The following TNNT2 variants were observed in gnomAD, a reference collection of about 807,000 sequenced individuals.
TNNT2 encodes the protein troponin T, cardiac muscle.
A neutral mutation model predicts 62.4 loss-of-function variants in TNNT2; 34 were observed. The observed-to-expected ratio is 0.54, with a 90% CI of 0.41 to 0.72. The LOEUF is 0.72. Ranked by LOEUF, TNNT2 falls within the 30% of genes least tolerant of loss-of-function variation. The pLI, the probability that TNNT2 is intolerant of heterozygous loss-of-function variation, is 0.00. For missense variants in TNNT2, 275 were observed against 381.9 expected, an observed-to-expected ratio of 0.72 and a Z score of 2.33; for synonymous variants, 123 against 127.2, an observed-to-expected ratio of 0.97 and a Z score of 0.22.
At chr1:201,371,486 T>G (rs1396138124) in intron 4 of TNNT2, among the ~76,000 whole-genome samples, 1 of 152,262 alleles carries the variant, frequency 6.6e-6, no homozygotes, top group East Asian at 1.9e-4. Flanking sequence ...TGGAATCTTT[T>G]GGGGCATATC....
At chr1:201,361,415 C>T (rs767640147) in intron 14 of TNNT2, 46 bp from the exon 15 acceptor site, 1 of 1,521,938 alleles carries the variant, frequency 6.6e-7, no homozygotes, top group South Asian at 1.1e-5. Flanking sequence ...AAGAAAGGGC[C>T]CTCCTGGGCC....
intron 12 of TNNT2, among the ~76,000 whole-genome samples, chr1:201,362,882 G>T (rs1357221416): frequency 2.0e-5 from 3 of 152,146 alleles, no homozygotes; most frequent in African/African-American, 7.2e-5. Flanking sequence ...ATCAAGGCAG[G>T]CAATATGAGT....
intron 6 of TNNT2, 34 bp downstream of exon 6, chr1:201,368,128 C>G (rs982080257): frequency 3.1e-6 from 5 of 1,611,112 alleles, no homozygotes; most frequent in Admixed American, 1.7e-5. Context: ...CTCGCCACCC[C>G]CTGAGGCCCC....
intron 1 of TNNT2, among the ~76,000 whole-genome samples, chr1:201,377,153 C>T (rs1002735642): frequency 1.3e-5 from 2 of 152,186 alleles, no homozygotes; most frequent in Non-Finnish European, 2.9e-5. Context: ...GCTGCAGTCT[C>T]GCTCTGCTCC....
At chr1:201,366,068 C>T (rs3767545) in intron 8 of TNNT2, 113,230 of 1,149,170 alleles carry the variant, frequency 0.099, 5,892 homozygotes, top group Non-Finnish European at 0.1. Context: ...GGCCATGAAC[C>T]TGGGAGTCTT....
chr1:201,362,346 A>G, intron 13 of TNNT2, 40 bp downstream of exon 13: 3 of 1,612,536 alleles, frequency 1.9e-6, no homozygotes, highest in Non-Finnish European at 2.5e-6. Flanking sequence ...GCTCTCCAAA[A>G]CTATGGGGAG....
intron 4 of TNNT2, among the ~76,000 whole-genome samples, 187 bp downstream of exon 4, chr1:201,371,840 C>T (rs1216238901): frequency 6.6e-6 from 1 of 152,170 alleles, no homozygotes. Flanking sequence ...AGGTTTAAAT[C>T]GTTTGCCTCA....
intron 15 of TNNT2, among the ~76,000 whole-genome samples, chr1:201,359,899 G>C (rs1658294765): frequency 6.6e-6 from 1 of 152,182 alleles, no homozygotes. Flanking sequence ...TGGGGTCCCA[G>C]GGCCATAATA....
At chr1:201,376,242 G>A (rs1661382866) in intron 1 of TNNT2, among the ~76,000 whole-genome samples, 2 of 152,154 alleles carry the variant, frequency 1.3e-5, no homozygotes, top group Non-Finnish European at 2.9e-5. Context: ...ACAATAGAAG[G>A]CATAAGGCAT....
At chr1:201,367,370 G>T (rs1411531637) in intron 7 of TNNT2, 2 of 392,488 alleles carry the variant, frequency 5.1e-6, no homozygotes, top group Non-Finnish European at 9.5e-6. Flanking sequence ...CCTGGTGAAG[G>T]CTGCAGCATG....
intron 9 of TNNT2, 23 bp downstream of exon 9, chr1:201,365,587 C>T: frequency 1.2e-6 from 2 of 1,612,772 alleles, no homozygotes; most frequent in Non-Finnish European, 8.5e-7. Flanking sequence ...CCCAGGCCTA[C>T]TCAACCCACA....
intron 6 of TNNT2, 92 bp downstream of exon 6, chr1:201,368,070 G>A (rs1659988994): frequency 1.5e-6 from 2 of 1,323,818 alleles, no homozygotes; most frequent in Non-Finnish European, 2.2e-6. Flanking sequence ...ACATGGGAAA[G>A]CCTGTTCTGG....
At chr1:201,371,978 A>G in intron 4 of TNNT2, 49 bp downstream of exon 4, 1 of 1,613,412 alleles carries the variant, frequency 6.2e-7, no homozygotes, top group Non-Finnish European at 8.5e-7. Flanking sequence ...GGATTTCCAC[A>G]TTGCTGAGCC....
At chr1:201,372,255 AT>A (rs1660743021) in intron 2 of TNNT2, 100 bp from the exon 3 acceptor site, 4 of 1,560,734 alleles carry the variant, frequency 2.6e-6, no homozygotes, top group Non-Finnish European at 3.5e-6. Flanking sequence ...CCCAAAGATA[AT>A]CCCCCTTTCT....
At chr1:201,365,548 T>A in intron 9 of TNNT2, 62 bp downstream of exon 9, 2 of 1,566,560 alleles carry the variant, frequency 1.3e-6, no homozygotes, top group Non-Finnish European at 1.8e-6. Context: ...AAAATCTCTG[T>A]CACTGAGGGC....
rs1490705382 is a variant in TNNT2, at chr1:201,359,554, G to A, written c.851+69C>T. 2.7e-6 allele frequency: 4 copies of A among 1,474,892 alleles called. No individual in the cohort carries two copies. The Admixed American group carries it at 5.6e-5, about 21-fold the overall frequency. 91.4% of individuals were successfully genotyped at this position (1,474,892 alleles called of 1,614,324 possible). ...AGCCTGGGGCCCTCCAAGGAGGAAT[G>A]GGATAGCTGGAAGGTAGGGAAGGAG... On this transcript the variant is annotated intron_variant, in intron 16 of 16. Coordinates refer to ENST00000656932, the MANE Select transcript of TNNT2 (RefSeq NM_001276345.2).
chr1:201,367,070 C>A, intron 7 of TNNT2, 199 bp from the exon 8 acceptor site: 1 of 776,312 alleles, frequency 1.3e-6, no homozygotes, highest in Non-Finnish European at 2.2e-6. Context: ...CACTCCCCCT[C>A]CCATAGAGTT....
At chr1:201,376,657 C>T (rs541746162) in intron 1 of TNNT2, among the ~76,000 whole-genome samples, 5 of 152,278 alleles carry the variant, frequency 3.3e-5, no homozygotes, top group African/African-American at 7.2e-5. Flanking sequence ...GGTAGCTTCC[C>T]GGCTACAGCA....
intron 15 of TNNT2, chr1:201,360,903 T>A: frequency 2.7e-6 from 1 of 363,870 alleles, no homozygotes; most frequent in Middle Eastern, 9.7e-4. Flanking sequence ...CTTGGGTGTA[T>A]GTGGGGAGAA....
Sources: gnomAD v4.1 joint callset for allele counts (sites outside exome capture counted in the v4.1 genomes callset) on GRCh38, gnomAD v4.1.1 for gene constraint, MANE v1.5 for transcripts, NCBI Gene and HGNC (gene_info 2026-07-23, HGNC 2026-07-21) for gene names.